Variants in KLHL26 observed in about 807,000 individuals in gnomAD.
KLHL26 encodes kelch like family member 26, also known as kelch-like protein 26.
A neutral mutation model predicts 7.1 loss-of-function variants in KLHL26; 4 were observed. That is an observed-to-expected ratio of 0.56 (90% CI 0.28 to 1.28). KLHL26 has a LOEUF of 1.28. Among genes scored for constraint, KLHL26 ranks in the 50% most tolerant of loss-of-function variants. The pLI is 0.11. For synonymous variants in KLHL26, 465 were observed against 414.1 expected (o/e 1.12, Z -1.49); for missense variants, 896 against 924.6 (o/e 0.97, Z 0.40).
In KLHL26 at chr19:18,668,594, G is replaced by T. The variant is rs867566614; in HGVS notation, c.1197G>T (p.Met399Ile). 1 of 1,589,582 alleles carries T rather than the reference G, an allele frequency of 6.3e-7. No homozygotes were observed. The change falls in exon 3 of 3, where the codon ATG becomes ATT. Residue 399 changes from methionine (M) to isoleucine (I), a missense_variant. Coordinates refer to ENST00000300976, the MANE Select transcript of KLHL26 (RefSeq NM_018316.3). ...HLNRWLRLQA[M>I]QESRIQFQLN... ...ATCGCTGGCTGCGCCTGCAGGCCATGCAGGAAAGCCGCATCCAGTTCCAGC... is the reference window on the plus strand; with the variant it reads ...ATCGCTGGCTGCGCCTGCAGGCCATTCAGGAAAGCCGCATCCAGTTCCAGC...
intron 1 of KLHL26, among the ~76,000 whole-genome samples, chr19:18,659,408 C>G (rs1047820317): frequency 5.3e-5 from 8 of 152,240 alleles, no homozygotes; most frequent in Non-Finnish European, 7.3e-5. Flanking sequence ...TGGGAGCCAA[C>G]CAGCTGTGCT....
chr19:18,662,313 G>A (rs762411615), intron 1 of KLHL26, among the ~76,000 whole-genome samples: 7 of 152,194 alleles, frequency 4.6e-5, no homozygotes, highest in Non-Finnish European at 8.8e-5. Context: ...ACTTCTGGGA[G>A]ACAAAGTGTC....
chr19:18,642,338 A>AGTGTGTGTGTGTGTGTGTGTGTGTGTGT (rs1204260630), intron 1 of KLHL26, among the ~76,000 whole-genome samples: 1 of 123,804 alleles, frequency 8.1e-6, no homozygotes, highest in Non-Finnish European at 1.6e-5. Flanking sequence ...CTAGTCACCT[A>AGTGTGTGTGTGTGTGTGTGTGTGTGTGT]GTGTGTGTGT....
At position 18,668,624 on chromosome 19, in the gene KLHL26, C is replaced by T. The variant is rs750637564; in HGVS notation, c.1227C>T (p.Asn409=). 3.3e-5 allele frequency: 52 copies of T among 1,582,488 alleles called. No individual in the cohort carries two copies. The Admixed American group carries it at 3.8e-4, about 12-fold the overall frequency. The part of the protein sequence containing the change: ...MQESRIQFQL[N]VLCGMVYATG... ...AAAGCCGCATCCAGTTCCAGCTGAA[C>T]GTGCTGTGCGGCATGGTGTACGCCA... The change falls in exon 3 of 3, where the codon AAC becomes AAT. Residue 409 remains asparagine, a synonymous_variant. Coordinates refer to ENST00000300976, the MANE Select transcript of KLHL26 (RefSeq NM_018316.3).
rs570521097 is a variant in KLHL26, at chr19:18,637,146, C to T, written c.83+9C>T. On this transcript the variant is annotated intron_variant, in intron 1 of 2. Coordinates refer to ENST00000300976, the MANE Select transcript of KLHL26 (RefSeq NM_018316.3). ...CCCGAGCGCCCGAACAGGTGAGACC[C>T]GGCCCGCAGGATAGACCTGCACCTG... The T allele has an allele frequency of 3.0e-5, 40 of 1,331,818 alleles. No homozygotes were observed. The East Asian group carries it at 1.2e-3, about 39-fold the overall frequency. 82.5% of individuals were successfully genotyped at this position (1,331,818 alleles called of 1,614,324 possible).
intron 1 of KLHL26, among the ~76,000 whole-genome samples, chr19:18,640,865 A>G (rs1976700551): frequency 1.3e-5 from 2 of 152,064 alleles, no homozygotes; most frequent in African/African-American, 4.8e-5. Flanking sequence ...GAAACTGCCA[A>G]GCTTGTTCCC....
chr19:18,647,811 C>T (rs1046004283), intron 1 of KLHL26, among the ~76,000 whole-genome samples: 6 of 152,128 alleles, frequency 3.9e-5, no homozygotes, highest in East Asian at 1.9e-4. Context: ...GCATGTGTCC[C>T]GGCATCCCCA....
At position 18,658,952 on chromosome 19, in the gene KLHL26, C is replaced by CCTGTCTCCTTCTCTCTGGGTCT. The variant is rs373386453; in HGVS notation, c.84-5280_84-5259dup. Among the ~76,000 whole-genome samples, 27 of 148,072 alleles carry CCTGTCTCCTTCTCTCTGGGTCT rather than the reference C, an allele frequency of 1.8e-4. No individual in the cohort carries two copies. In the East Asian group the frequency reaches 4.3e-3, roughly 23 times the overall value. On this transcript the variant is annotated intron_variant, in intron 1 of 2. Transcript: ENST00000300976. ...CCCCCTGTCCCCCTCTCTCTGGGTG[C>CCTGTCTCCTTCTCTCTGGGTCT]CTGTCTCCTTCTCTCTGGGTCTCTG...
Position 18,637,111 on chromosome 19 carries a change from G to T in KLHL26, c.57G>T (p.Ala19=). 3 of 1,364,420 alleles carry T rather than the reference G, an allele frequency of 2.2e-6. No individual in the cohort carries two copies. The highest frequency in any genetic ancestry group is 1.8e-5 in the South Asian group (1 of 55,988). 84.5% of individuals were successfully genotyped at this position (1,364,420 alleles called of 1,614,324 possible). Reference sequence around the variant, plus strand: ...CTGGTGGCGGCGGCGCTTTCGGCGCGGGCCCGGGCCCCGAGCGCCCGAACA... The same window carrying T: ...CTGGTGGCGGCGGCGCTTTCGGCGCTGGCCCGGGCCCCGAGCGCCCGAACA... ...GGAGGGGAFG[A]GPGPERPNST... Residue 19 remains alanine (A), a synonymous_variant, in exon 1 of 3, where the codon GCG becomes GCT. Coordinates refer to ENST00000300976, the MANE Select transcript of KLHL26 (RefSeq NM_018316.3).
Position 18,668,151 on chromosome 19 carries a change from C to A in KLHL26, c.754C>A (p.Arg252Ser). The change falls in exon 3 of 3, where the codon CGC (arginine) becomes AGC (serine). Residue 252 changes from arginine (R) to serine (S), a missense_variant. Physicochemically the swap from Arg to Ser is moderately radical, Grantham distance 110. Transcript: ENST00000300976. ...CGCCAGCCACGTGCTCTGCCACATT[C>A]GCTTCCCGCTCATGCAGTCGTCCGA... ...PRASHVLCHIRFPLMQSSELV... is the reference protein window; with the variant it reads ...PRASHVLCHISFPLMQSSELV... 3.1e-6 allele frequency: 5 copies of A among 1,607,380 alleles called. No homozygotes were observed. The South Asian group carries it at 4.4e-5, about 14-fold the overall frequency.
At chr19:18,657,127 C>T (rs559168017) in intron 1 of KLHL26, among the ~76,000 whole-genome samples, 48 of 151,404 alleles carry the variant, frequency 3.2e-4, no homozygotes, top group African/African-American at 1.1e-3. Context: ...GTCCCTTTGT[C>T]TCTGGGTCTC....
chr19:18,666,360 C>G (rs2052447849), intron 2 of KLHL26, among the ~76,000 whole-genome samples: 1 of 152,188 alleles, frequency 6.6e-6, no homozygotes, highest in Admixed American at 6.5e-5. Context: ...GGGATGTTCC[C>G]TCCTCCTCGG....
chr19:18,667,050 G>A (rs1232800152), intron 2 of KLHL26, among the ~76,000 whole-genome samples: 1 of 152,228 alleles, frequency 6.6e-6, no homozygotes, highest in Non-Finnish European at 1.5e-5. Context: ...ACACGATCTA[G>A]TCATGAAGGG....
chr19:18,661,887 A>G (rs982772357), intron 1 of KLHL26, among the ~76,000 whole-genome samples: 2 of 151,834 alleles, frequency 1.3e-5, no homozygotes, highest in African/African-American at 4.8e-5. Context: ...ATTAGCCCAC[A>G]TTCTTTGTGC....
chr19:18,655,697 G>A (rs1484477441), intron 1 of KLHL26, among the ~76,000 whole-genome samples: 1 of 152,116 alleles, frequency 6.6e-6, no homozygotes, highest in Non-Finnish European at 1.5e-5. Context: ...GTGCTGTGGA[G>A]GCAGAGAGCT....
intron 1 of KLHL26, among the ~76,000 whole-genome samples, chr19:18,655,314 G>T (rs569559335): frequency 4.2e-4 from 64 of 152,286 alleles, no homozygotes; most frequent in African/African-American, 1.4e-3. Context: ...GAGCCTTGGC[G>T]AGCTGTCTCA....
At chr19:18,658,150 G>A (rs942020799) in intron 1 of KLHL26, among the ~76,000 whole-genome samples, 20 of 152,184 alleles carry the variant, frequency 1.3e-4, no homozygotes, top group Non-Finnish European at 2.9e-4. Context: ...GGGCCGCGGT[G>A]TTCCCATCTT....
intron 1 of KLHL26, among the ~76,000 whole-genome samples, chr19:18,660,213 C>T (rs1237605007): frequency 6.6e-6 from 1 of 152,202 alleles, no homozygotes; most frequent in Non-Finnish European, 1.5e-5. Flanking sequence ...GTCCTTGGGT[C>T]CAGCACAGGC....
chr19:18,668,716 G>T lies in KLHL26; in HGVS notation c.1319G>T (p.Trp440Leu). 1.3e-6 allele frequency: 2 copies of T among 1,573,390 alleles called. No individual in the cohort carries two copies. Among genetic ancestry groups the T allele is most frequent in the African/African-American group, 2.7e-5 (2 of 74,212 alleles). Reference sequence around the variant, plus strand: ...CGGTACTGCCCCCGGCGCAATGAGTGGGGCTACGCCTGCTCGCTGAAGCGC... The same window carrying T: ...CGGTACTGCCCCCGGCGCAATGAGTTGGGCTACGCCTGCTCGCTGAAGCGC... ...VERYCPRRNEWGYACSLKRRT... is the reference protein window; with the variant it reads ...VERYCPRRNELGYACSLKRRT... Residue 440 changes from tryptophan to leucine, a missense_variant, in exon 3 of 3, where the codon TGG (tryptophan) becomes TTG (leucine). Trp to Leu is a moderately conservative substitution (Grantham distance 61). Transcript: ENST00000300976.
Sources: allele counts gnomAD v4.1 joint callset (sites outside exome capture counted in the v4.1 genomes callset), GRCh38; gene constraint gnomAD v4.1.1; transcripts MANE v1.5; gene names NCBI Gene and HGNC (gene_info 2026-07-23, HGNC 2026-07-21).